TRIQK: variants seen among roughly 807,000 people sequenced by gnomAD.
The protein encoded by TRIQK is triple QxxK/R motif containing, also known as triple QxxK/R motif-containing protein.
A neutral mutation model predicts 10.8 loss-of-function variants in TRIQK; 10 were observed. The observed-to-expected ratio is 0.92, with a 90% confidence interval of 0.57 to 1.57. The LOEUF (loss-of-function observed/expected upper bound fraction) is 1.57, where lower values mean the gene tolerates loss of function less well. Ranked by LOEUF, TRIQK falls within the 40% of genes most tolerant of loss-of-function variation. The probability of loss-of-function intolerance (pLI) is 0.00; values close to 1 mark genes in which losing one functional copy is unlikely to be tolerated. For missense variants in TRIQK, 107 were observed against 97.7 expected, an observed-to-expected ratio of 1.09 and a Z score of -0.40; for synonymous variants, 33 against 33.7, an observed-to-expected ratio of 0.98 and a Z score of 0.07.
At chr8:92,977,518 C>A (rs1449707190) in intron 1 of TRIQK, among the ~76,000 whole-genome samples, 4 of 151,950 alleles carry the variant, frequency 2.6e-5, no homozygotes, top group African/African-American at 9.7e-5. Flanking sequence ...CTTTTTAATA[C>A]CATCTGTATC....
intron 2 of TRIQK, among the ~76,000 whole-genome samples, chr8:92,942,498 C>G (rs1449737706): frequency 6.6e-6 from 1 of 152,142 alleles, no homozygotes; most frequent in African/African-American, 2.4e-5. Flanking sequence ...AGGATGCTCA[C>G]TTTTACCACT....
intron 2 of TRIQK, among the ~76,000 whole-genome samples, chr8:92,919,241 T>C (rs1810042337): frequency 6.6e-6 from 1 of 151,972 alleles, no homozygotes; most frequent in Admixed American, 6.6e-5. Flanking sequence ...AGGATTGTTC[T>C]TTAGGATTTT....
chr8:92,947,827 C>T (rs752300978), intron 2 of TRIQK, among the ~76,000 whole-genome samples: 2 of 151,710 alleles, frequency 1.3e-5, no homozygotes, highest in African/African-American at 2.4e-5. Context: ...TTGCATCTAA[C>T]GTAAAGGAAT....
At chr8:92,986,384 A>C (rs1813030165) in intron 1 of TRIQK, among the ~76,000 whole-genome samples, 1 of 152,176 alleles carries the variant, frequency 6.6e-6, no homozygotes. Context: ...TCTACAGACA[A>C]AATGCAACCA....
At position 93,006,475 on chromosome 8, in the gene TRIQK, C is replaced by G. The variant is rs1035780375; in HGVS notation, c.-181+11134G>C. Among the ~76,000 whole-genome samples, 4 of 152,210 alleles carry G rather than the reference C, an allele frequency of 2.6e-5. No individual in the cohort carries two copies. The East Asian group carries it at 7.7e-4, about 29-fold the overall frequency. On this transcript the variant is annotated intron_variant, in intron 1 of 4. Transcript: ENST00000520686. ...AGATCCCCCTCGTGAGCTGACGCCA[C>G]CAAGGCCTTGGGTCCCAAGTACAGA... is the stretch of plus-strand genomic sequence containing the variant.
At chr8:92,988,675 T>C (rs1406760741) in intron 1 of TRIQK, among the ~76,000 whole-genome samples, 1 of 152,210 alleles carries the variant, frequency 6.6e-6, no homozygotes, top group Non-Finnish European at 1.5e-5. Flanking sequence ...CTCAGAAGAT[T>C]GCAGATTTCC....
chr8:92,938,359 C>A lies in TRIQK; in HGVS notation c.-22+16047G>T, dbSNP rs549366074. Among the ~76,000 whole-genome samples the A allele has an allele frequency of 2.6e-5, 4 of 152,060 alleles. No homozygotes were observed. The South Asian group carries it at 8.3e-4, about 32-fold the overall frequency. Reference sequence around the variant, plus strand: ...ATTACAATCAAATTAACTAACACATCCATCACCAACCATTTTAAATTTGTC... The same window carrying A: ...ATTACAATCAAATTAACTAACACATACATCACCAACCATTTTAAATTTGTC... On this transcript the variant is annotated intron_variant, in intron 2 of 4. Transcript: ENST00000521988.
At chr8:92,990,583 T>A (rs1448566990) in intron 1 of TRIQK, among the ~76,000 whole-genome samples, 2 of 152,118 alleles carry the variant, frequency 1.3e-5, no homozygotes, top group South Asian at 4.1e-4. Context: ...GGTTAGACAG[T>A]GGGTGCAGCC....
chr8:92,952,223 A>G (rs1811948309), intron 2 of TRIQK, among the ~76,000 whole-genome samples: 1 of 152,060 alleles, frequency 6.6e-6, no homozygotes, highest in African/African-American at 2.4e-5. Context: ...ACCATGCAAC[A>G]ACAGATGGAG....
chr8:92,947,909 T>A (rs1034442070), intron 2 of TRIQK, among the ~76,000 whole-genome samples: 1 of 152,178 alleles, frequency 6.6e-6, no homozygotes, highest in Non-Finnish European at 1.5e-5. Flanking sequence ...AAATGGCATC[T>A]TCTATTTTAA....
At chr8:92,891,905 G>T in intron 4 of TRIQK, 84 bp downstream of exon 4, 1 of 953,126 alleles carries the variant, frequency 1.0e-6, no homozygotes, top group Non-Finnish European at 1.5e-6. Context: ...AAAACATTTA[G>T]AATTCAACAT....
chr8:92,994,024 A>T (rs542556612), intron 1 of TRIQK, among the ~76,000 whole-genome samples: 66 of 152,238 alleles, frequency 4.3e-4, no homozygotes, highest in African/African-American at 1.6e-3. Context: ...AACCACAAAG[A>T]CTATTCCTGT....
intron 1 of TRIQK, among the ~76,000 whole-genome samples, chr8:92,954,789 C>G (rs1034626585): frequency 5.9e-5 from 9 of 151,764 alleles, no homozygotes; most frequent in African/African-American, 2.2e-4. Context: ...ATTATGAAGG[C>G]TCTGAGAAGT....
At chr8:92,896,177 C>T (rs771022725) in intron 3 of TRIQK, among the ~76,000 whole-genome samples, 5 of 152,188 alleles carry the variant, frequency 3.3e-5, no homozygotes, top group Non-Finnish European at 5.9e-5. Context: ...GACTCTGTTT[C>T]TCACATTCCA....
chr8:92,906,913 A>G (rs1474650451), intron 3 of TRIQK, among the ~76,000 whole-genome samples: 2 of 151,488 alleles, frequency 1.3e-5, no homozygotes, highest in Admixed American at 6.6e-5. Context: ...AAAAAAAAAT[A>G]CTGGACTTAG....
chr8:92,932,101 T>C (rs781428269), intron 2 of TRIQK, among the ~76,000 whole-genome samples: 1 of 152,046 alleles, frequency 6.6e-6, no homozygotes, highest in Non-Finnish European at 1.5e-5. Context: ...CTTTCCTGAT[T>C]CTCCTTCTAC....
At chr8:92,993,143 G>A (rs1324918092) in intron 1 of TRIQK, among the ~76,000 whole-genome samples, 3 of 152,076 alleles carry the variant, frequency 2.0e-5, no homozygotes, top group African/African-American at 7.2e-5. Flanking sequence ...AAGGCTCCAG[G>A]ATCATGTCAT....
chr8:92,895,838 G>T (rs1006054405), intron 3 of TRIQK, among the ~76,000 whole-genome samples: 2 of 151,900 alleles, frequency 1.3e-5, no homozygotes, highest in East Asian at 3.9e-4. Context: ...TGCAAAAAAA[G>T]AAATGACTAA....
intron 2 of TRIQK, among the ~76,000 whole-genome samples, chr8:92,945,950 C>G (rs1007950583): frequency 4.6e-5 from 7 of 151,162 alleles, no homozygotes; most frequent in Non-Finnish European, 7.4e-5. Flanking sequence ...AGTTACTTTC[C>G]CAGTGAAAAT....
Sources: gnomAD v4.1 joint callset for allele counts (sites outside exome capture counted in the v4.1 genomes callset) on GRCh38, gnomAD v4.1.1 for gene constraint, MANE v1.5 for transcripts, NCBI Gene and HGNC (gene_info 2026-07-23, HGNC 2026-07-21) for gene names.